USH2A: variants seen among roughly 807,000 people sequenced by gnomAD.
USH2A encodes usherin, also known as Usher syndrome 2A (autosomal recessive, mild).
In USH2A, 443 loss-of-function variants were observed where a neutral mutation model predicts 538.9. The observed-to-expected ratio is 0.82, with a 90% CI of 0.76 to 0.89. USH2A has a LOEUF of 0.89. Among genes scored for constraint, USH2A ranks in the 40% least tolerant of loss-of-function variants. The pLI, the probability that USH2A is intolerant of heterozygous loss-of-function variation, is 0.00. For synonymous variants in USH2A, 2,413 were observed against 2,273.5 expected (o/e 1.06, Z -1.75); for missense variants, 6,633 against 6,324.8 (o/e 1.05, Z -1.65).
chr1:216,412,558 G>C (rs1294820717), intron 3 of USH2A, among the ~76,000 whole-genome samples: 1 of 151,040 alleles, frequency 6.6e-6, no homozygotes, highest in Non-Finnish European at 1.5e-5. Context: ...ATCAATGAGG[G>C]GTATAGTTAA....
intron 37 of USH2A, among the ~76,000 whole-genome samples, chr1:215,946,547 G>A (rs1666761645): frequency 6.6e-6 from 1 of 152,288 alleles, no homozygotes; most frequent in Admixed American, 6.5e-5. Context: ...AAAAATATCA[G>A]TCATGTCATT....
intron 21 of USH2A, among the ~76,000 whole-genome samples, chr1:216,136,061 T>A (rs994129103): frequency 2.0e-5 from 3 of 152,182 alleles, no homozygotes; most frequent in African/African-American, 7.2e-5. Flanking sequence ...AATAACTCTC[T>A]TGCATATTAA....
chr1:215,848,372 T>C (rs1663921918), intron 44 of USH2A, among the ~76,000 whole-genome samples: 1 of 152,252 alleles, frequency 6.6e-6, no homozygotes, highest in African/African-American at 2.4e-5. Context: ...CTTACGTATA[T>C]AAATTAATTT....
chr1:215,746,319 T>C (rs968001922), intron 58 of USH2A, among the ~76,000 whole-genome samples: 1 of 152,144 alleles, frequency 6.6e-6, no homozygotes, highest in African/African-American at 2.4e-5. Flanking sequence ...GGTTAGGCCC[T>C]GGCCACCCCA....
chr1:216,032,767 A>G (rs1669157800), intron 32 of USH2A, among the ~76,000 whole-genome samples: 1 of 152,156 alleles, frequency 6.6e-6, no homozygotes, highest in Admixed American at 6.6e-5. Context: ...GGTGGCCCCT[A>G]GAAGCTGATA....
At chr1:216,391,567 CT>C (rs1424661655) in intron 3 of USH2A, among the ~76,000 whole-genome samples, 1 of 152,076 alleles carries the variant, frequency 6.6e-6, no homozygotes. Context: ...GCAGATGTGC[CT>C]TTTATTTTTT....
rs768433165 is a variant in USH2A at position 215,648,582 on chromosome 1, C to T, written c.14528G>A (p.Arg4843Lys). 17 of 1,614,074 alleles carry T rather than the reference C, an allele frequency of 1.1e-5. No individual in the cohort carries two copies. The highest frequency in any genetic ancestry group is 1.3e-5 in the Non-Finnish European group (15 of 1,180,026). ...SSPQIGTLASRTASFRWSPPM... is the reference protein window; with the variant it reads ...SSPQIGTLASKTASFRWSPPM... ...GGGACTCCACCGGAAGGAGGCCGTC[C>T]TTGAGGCCAGCGTCCCGATTTGTGG... is the stretch of plus-strand genomic sequence containing the variant. Residue 4843 changes from arginine to lysine, a missense_variant, in exon 66 of 72, where the codon AGG (arginine) becomes AAG (lysine). Physicochemically the swap from Arg to Lys is conservative, Grantham distance 26. Transcript: ENST00000307340.
At chr1:216,344,206 T>G (rs2038130661) in intron 4 of USH2A, among the ~76,000 whole-genome samples, 1 of 151,896 alleles carries the variant, frequency 6.6e-6, no homozygotes, top group African/African-American at 2.4e-5. Context: ...ACAAAAAATA[T>G]AAAGGACAAG....
intron 60 of USH2A, among the ~76,000 whole-genome samples, chr1:215,736,386 G>A (rs996363492): frequency 2.0e-5 from 3 of 152,050 alleles, no homozygotes; most frequent in African/African-American, 7.2e-5. Context: ...AAGTGAAACA[G>A]AATACAAAGT....
chr1:216,357,738 C>A (rs1357218665), intron 4 of USH2A, among the ~76,000 whole-genome samples: 1 of 152,080 alleles, frequency 6.6e-6, no homozygotes, highest in African/African-American at 2.4e-5. Flanking sequence ...TAAACAAGTT[C>A]AGAAATAACT....
intron 44 of USH2A, among the ~76,000 whole-genome samples, chr1:215,854,949 C>T (rs1035977367): frequency 1.3e-5 from 2 of 152,178 alleles, no homozygotes; most frequent in African/African-American, 4.8e-5. Context: ...ATGCAAGCTT[C>T]CAGCTTGCTT....
intron 21 of USH2A, among the ~76,000 whole-genome samples, chr1:216,152,102 T>C (rs1177430709): frequency 6.6e-6 from 1 of 152,118 alleles, no homozygotes; most frequent in Non-Finnish European, 1.5e-5. Context: ...GAAGCAGCCC[T>C]GAGAAACATC....
At chr1:216,326,878 A>G (rs566079551) in intron 5 of USH2A, among the ~76,000 whole-genome samples, 1 of 152,174 alleles carries the variant, frequency 6.6e-6, no homozygotes, top group Non-Finnish European at 1.5e-5. Context: ...AATAAGATCA[A>G]CTCATCCATA....
chr1:216,012,458 G>C lies in USH2A; in HGVS notation c.6326-11896C>G, dbSNP rs1173790642. 2.0e-5 allele frequency among the ~76,000 whole-genome samples: 3 copies of C among 152,184 alleles called. No homozygotes were observed. In the East Asian group the frequency reaches 5.8e-4, roughly 30 times the overall value. ...CTAGGTAGACACTTTCACTGGATAA[G>C]TACAGGCCTTTCCTACAGGGTCTGA... On this transcript the variant is annotated intron_variant, in intron 32 of 71. Transcript: ENST00000307340.
Position 215,786,674 on chromosome 1 carries a change from G to A in USH2A, c.10383C>T (p.Tyr3461=), listed in dbSNP as rs781045789. The A allele has an allele frequency of 2.5e-6, 4 of 1,613,836 alleles. No individual in the cohort carries two copies. Among genetic ancestry groups the A allele is most frequent in the Admixed American group, 1.7e-5 (1 of 59,964 alleles). ...IHTGSVNTYS[Y]TDVNLKPYMT... Reference sequence around the variant, plus strand: ...AGACAGCTTGCTTTCTGTTACCTGTGTAAGAGTACGTGTTTACACTCCCTG... The same window carrying A: ...AGACAGCTTGCTTTCTGTTACCTGTATAAGAGTACGTGTTTACACTCCCTG... The change falls in exon 52 of 72, where the codon TAC becomes TAT. Residue 3461 remains tyrosine (Y), a synonymous_variant. Transcript: ENST00000307340.
rs1297066699 is a variant in USH2A, at chr1:216,014,089, GA to G, written c.6326-13528del. 5.5e-5 allele frequency among the ~76,000 whole-genome samples: 8 copies of G among 146,162 alleles called. No individual in the cohort carries two copies. The East Asian group carries it at 1.6e-3, about 30-fold the overall frequency. ...TTGAATAATAAAGCATGAAAAAAGA[GA>G]GAGAGAGAGAGAAGAGAACCTAATT... On this transcript the variant is annotated intron_variant, in intron 32 of 71. Transcript: ENST00000307340.
Position 216,229,174 on chromosome 1 carries a change from CA to C in USH2A, c.2993+2778del, listed in dbSNP as rs564440173. On this transcript the variant is annotated intron_variant, in intron 14 of 71. Coordinates refer to ENST00000307340, the MANE Select transcript of USH2A (RefSeq NM_206933.4). The stretch of plus-strand genomic sequence containing the variant: ...AGGCGACAGAGTGTGAGACTCTGTC[CA>C]AAAAAAAAACCCCACACTTAATCTG... Among the ~76,000 whole-genome samples the C allele has an allele frequency of 9.9e-4, 142 of 143,870 alleles. 2 individuals are homozygous for C. Among genetic ancestry groups the C allele is most frequent in the African/African-American group, 3.1e-3 (120 of 39,342 alleles). The allele number at this position is 143,870 out of a possible 152,430, so 94.4% of individuals were successfully genotyped here.
intron 37 of USH2A, among the ~76,000 whole-genome samples, chr1:215,957,452 G>A (rs1192371757): frequency 6.6e-6 from 1 of 152,140 alleles, no homozygotes. Flanking sequence ...GTTGTTGCTT[G>A]ATGAGTATTT....
Position 215,728,046 on chromosome 1 carries a change from T to A in USH2A, c.12050A>T (p.His4017Leu), listed in dbSNP as rs1237304700. ...DDPTFNSPTV[H>L]AFTVKGTSHQ... Reference sequence around the variant, plus strand: ...GGGTCTTACCTTCACTGTGAAAGCATGCACGGTAGGGCTGTTAAATGTAGG... The same window carrying A: ...GGGTCTTACCTTCACTGTGAAAGCAAGCACGGTAGGGCTGTTAAATGTAGG... The change falls in exon 61 of 72, where the codon CAT becomes CTT. Residue 4017 changes from histidine to leucine, a missense_variant. By Grantham distance (99) the His-to-Leu change is moderately conservative (BLOSUM62 -3). Coordinates refer to ENST00000307340, the MANE Select transcript of USH2A (RefSeq NM_206933.4). 1 of 1,614,172 alleles carries A rather than the reference T, an allele frequency of 6.2e-7. No individual in the cohort carries two copies. The highest frequency in any genetic ancestry group is 8.5e-7 in the Non-Finnish European group (1 of 1,180,042).
Sources: allele counts gnomAD v4.1 joint callset (sites outside exome capture counted in the v4.1 genomes callset), GRCh38; gene constraint gnomAD v4.1.1; transcripts MANE v1.5; gene names NCBI Gene and HGNC (gene_info 2026-07-23, HGNC 2026-07-21).